Variants in ADAMTS5 observed in about 807,000 individuals in gnomAD.
ADAMTS5 encodes A disintegrin and metalloproteinase with thrombospondin motifs 5.
Under a neutral mutation model 81.4 loss-of-function variants are expected in ADAMTS5, and 54 were observed. The observed-to-expected ratio is 0.66, with a 90% CI of 0.53 to 0.83. ADAMTS5 has a LOEUF of 0.83. ADAMTS5 is among the 40% of genes least tolerant of loss of function. The pLI is 0.00. For missense variants in ADAMTS5, 1,194 were observed against 1,229.9 expected (o/e 0.97, Z 0.44); for synonymous variants, 532 against 508.8 (o/e 1.05, Z -0.61).
At chr21:26,954,088 T>C (rs1987372642) in intron 2 of ADAMTS5, 1 of 151,952 alleles carries the variant, frequency 6.6e-6, no homozygotes, top group African/African-American at 2.4e-5. Context: ...GGTCAATAAT[T>C]AGGAAGCACA....
At chr21:26,950,425 A>G (rs1043508616) in intron 2 of ADAMTS5, among the ~76,000 whole-genome samples, 3 of 152,254 alleles carry the variant, frequency 2.0e-5, no homozygotes, top group Non-Finnish European at 4.4e-5. Context: ...TCACATTTGG[A>G]TTGTAAAGTG....
intron 3 of ADAMTS5, among the ~76,000 whole-genome samples, chr21:26,940,647 A>G (rs1229577346): frequency 2.0e-5 from 3 of 152,188 alleles, no homozygotes; most frequent in Non-Finnish European, 2.9e-5. Flanking sequence ...GTAGAACTGT[A>G]AAATACTAAT....
rs1986687425 is a variant in ADAMTS5 at position 26,921,194 on chromosome 21, C to T, written c.*2859G>A. 1 of 152,166 alleles carries T rather than the reference C, an allele frequency of 6.6e-6. No individual in the cohort carries two copies. The highest frequency in any genetic ancestry group is 1.5e-5 in the Non-Finnish European group (1 of 67,886). The allele number at this position is 152,166 out of a possible 1,614,324, so 9.4% of individuals were successfully genotyped here. A position where few individuals can be genotyped will look rare whatever the true frequency, so the allele number is the denominator to read the frequency against. On this transcript the variant is annotated 3_prime_UTR_variant, in exon 8 of 8. Transcript: ENST00000284987. ...CTTTTTTTTTGTTTGTGATTTATCC[C>T]CTAATTCCTAGTTTAGTGGGATAAA...
At chr21:26,939,893 T>C (rs1987081679) in intron 3 of ADAMTS5, among the ~76,000 whole-genome samples, 1 of 152,216 alleles carries the variant, frequency 6.6e-6, no homozygotes, top group Non-Finnish European at 1.5e-5. Context: ...ACAAGTATCT[T>C]GGCCAAGGTT....
intron 7 of ADAMTS5, 50 bp downstream of exon 7, chr21:26,929,836 G>A (rs770115005): frequency 2.5e-6 from 4 of 1,568,674 alleles, no homozygotes; most frequent in Non-Finnish European, 3.5e-6. Flanking sequence ...TTCTGCAAGA[G>A]TCTAAAGCTT....
chr21:26,929,017 G>C (rs991916313), intron 7 of ADAMTS5, among the ~76,000 whole-genome samples: 2 of 151,854 alleles, frequency 1.3e-5, no homozygotes, highest in Admixed American at 1.3e-4. Flanking sequence ...AATTAGTAAC[G>C]CATATTTTAA....
In ADAMTS5 at chr21:26,943,482, C is replaced by G; in HGVS notation, c.1303G>C (p.Asp435His). 1 of 1,613,750 alleles carries G rather than the reference C, an allele frequency of 6.2e-7. No homozygotes were observed. The highest frequency in any genetic ancestry group is 1.1e-5 in the South Asian group (1 of 91,058). ...FCEETFGSTE[D>H]KRLMSSILTS... is the part of the protein sequence containing the mutation. ...AGGATGGAAGACATTAAGCGCTTAT[C>G]TTCTGTGGAACCAAAGGTCTCTTCA... The change falls in exon 3 of 8, where the codon GAT becomes CAT. Residue 435 changes from aspartate to histidine, a missense_variant. This residue lies in a region of ADAMTS5 where 696 missense variants were observed against 817.6 expected (regional missense o/e 0.85). Transcript: ENST00000284987.
chr21:26,966,009 C>T lies in ADAMTS5; in HGVS notation c.383G>A (p.Ser128Asn). ...CACTGTGCCCCGATAGAAGCAGTGGCTCCGGTGGCGCCAGGGCGCACTCGT... is the reference window on the plus strand; with the variant it reads ...CACTGTGCCCCGATAGAAGCAGTGGTTCCGGTGGCGCCAGGGCGCACTCGT... ...GGTSAPWRHR[S>N]HCFYRGTVDG... is the part of the protein sequence containing the mutation. Residue 128 changes from serine to asparagine, a missense_variant, in exon 1 of 8, where the codon AGC (serine) becomes AAC (asparagine). Coordinates refer to ENST00000284987, the MANE Select transcript of ADAMTS5 (RefSeq NM_007038.5). The T allele has an allele frequency of 6.2e-7, 1 of 1,613,058 alleles. No homozygotes were observed. The highest frequency in any genetic ancestry group is 8.5e-7 in the Non-Finnish European group (1 of 1,179,800).
intron 2 of ADAMTS5, among the ~76,000 whole-genome samples, chr21:26,953,119 G>A (rs546754041): frequency 6.6e-6 from 1 of 152,278 alleles, no homozygotes; most frequent in Admixed American, 6.5e-5. Context: ...ACGCTTTCAG[G>A]CTGACCAGTT....
chr21:26,934,775 C>T (rs761668746), intron 3 of ADAMTS5, 26 bp from the exon 4 acceptor site: 23 of 1,608,932 alleles, frequency 1.4e-5, no homozygotes, highest in South Asian at 1.2e-4. Context: ...AGATTGACCA[C>T]GGCTCTGTGT....
chr21:26,953,957 G>A (rs233894), intron 2 of ADAMTS5: 133,099 of 153,174 alleles, frequency 0.87, 57,896 homozygotes, highest in South Asian at 0.93. Context: ...GCAAAAATTG[G>A]GCTCATTTAG....
In ADAMTS5 at chr21:26,951,868, G is replaced by A. The variant is rs543131715; in HGVS notation, c.1237+2871C>T. ...ATTATCCAAGATCACACTGGCTGGA[G>A]GGGCAAGACTCTGTAATAATACACA... On this transcript the variant is annotated intron_variant, in intron 2 of 7. Transcript: ENST00000284987. Among the ~76,000 whole-genome samples the A allele has an allele frequency of 7.0e-4, 106 of 151,032 alleles. 1 individual carries two copies. The highest frequency in any genetic ancestry group is 2.5e-3 in the African/African-American group (102 of 40,406).
At chr21:26,927,825 TGCGGTGGGAGCGGTC>T (rs972814876) in intron 7 of ADAMTS5, among the ~76,000 whole-genome samples, 1 of 151,778 alleles carries the variant, frequency 6.6e-6, no homozygotes, top group Non-Finnish European at 1.5e-5. Flanking sequence ...ACACTTGGAT[TGCGGTGGGAGCGGTC>T]ACGGTGGTGA....
At chr21:26,940,137 G>A (rs1038578572) in intron 3 of ADAMTS5, among the ~76,000 whole-genome samples, 2 of 152,104 alleles carry the variant, frequency 1.3e-5, no homozygotes, top group African/African-American at 4.8e-5. Context: ...TAAATCAAAT[G>A]CTTTGAATTT....
chr21:26,937,732 C>T (rs984091317), intron 3 of ADAMTS5, among the ~76,000 whole-genome samples: 1 of 152,154 alleles, frequency 6.6e-6, no homozygotes, highest in African/African-American at 2.4e-5. Context: ...CTTTCAGTAT[C>T]ATTTCTAGTG....
At chr21:26,932,203 A>G (rs759470237) in intron 5 of ADAMTS5, 24 bp from the exon 6 acceptor site, 5 of 1,605,750 alleles carry the variant, frequency 3.1e-6, no homozygotes, top group Non-Finnish European at 4.3e-6. Flanking sequence ...ATGTTTCAGT[A>G]TTACCTTATC....
At chr21:26,942,346 G>C (rs1406168303) in intron 3 of ADAMTS5, among the ~76,000 whole-genome samples, 1 of 152,070 alleles carries the variant, frequency 6.6e-6, no homozygotes, top group Non-Finnish European at 1.5e-5. Context: ...GAAAAAGACG[G>C]TTGCCATAGA....
chr21:26,943,305 A>C, intron 3 of ADAMTS5, 75 bp downstream of exon 3: 1 of 1,338,860 alleles, frequency 7.5e-7, no homozygotes, highest in South Asian at 1.4e-5. Flanking sequence ...GAATATTATG[A>C]GGATATAATG....
At chr21:26,931,926 T>C (rs953051875) in intron 6 of ADAMTS5, 78 bp downstream of exon 6, 18 of 1,419,958 alleles carry the variant, frequency 1.3e-5, no homozygotes, top group African/African-American at 1.2e-4. Flanking sequence ...TGTTTACGTC[T>C]GGCGTCCGCA....
Sources: allele counts gnomAD v4.1 joint callset (sites outside exome capture counted in the v4.1 genomes callset), GRCh38; gene constraint gnomAD v4.1.1; regional missense constraint gnomAD v4.1.1; transcripts MANE v1.5; gene names NCBI Gene and HGNC (gene_info 2026-07-23, HGNC 2026-07-21).